The following PHF21B variants were observed in gnomAD, a reference collection of about 807,000 sequenced individuals.
The protein encoded by PHF21B is PHD finger protein 21B, also known as PHD finger protein 4.
A neutral mutation model predicts 62.2 loss-of-function variants in PHF21B; 22 were observed. The observed-to-expected ratio is 0.35, with a 90% CI of 0.25 to 0.51. PHF21B has a LOEUF of 0.51. Among genes scored for constraint, PHF21B ranks in the 20% least tolerant of loss-of-function variants. The probability of loss-of-function intolerance (pLI) is 0.97; values close to 1 mark genes in which losing one functional copy is unlikely to be tolerated. For missense variants in PHF21B, 701 were observed against 707.9 expected, an observed-to-expected ratio of 0.99 and a Z score of 0.11; for synonymous variants, 341 against 314.7, an observed-to-expected ratio of 1.08 and a Z score of -0.88.
intron 2 of PHF21B, among the ~76,000 whole-genome samples, chr22:44,979,692 C>T (rs981120141): frequency 2.0e-5 from 3 of 152,240 alleles, no homozygotes; most frequent in African/African-American, 7.2e-5. Flanking sequence ...TGTGCTCAGA[C>T]ACTTTAAGCT....
At chr22:44,939,639 G>A (rs1264176152) in intron 2 of PHF21B, among the ~76,000 whole-genome samples, 4 of 152,164 alleles carry the variant, frequency 2.6e-5, no homozygotes, top group Non-Finnish European at 4.4e-5. Flanking sequence ...CACCCAGCCC[G>A]TCCTGTCCCA....
intron 2 of PHF21B, among the ~76,000 whole-genome samples, chr22:45,007,560 G>GAGA (rs1170406574): frequency 1.5e-5 from 1 of 66,728 alleles, no homozygotes; most frequent in African/African-American, 6.1e-5. Context: ...GGGGCGGGGC[G>GAGA]CGAAGGAGGG....
intron 2 of PHF21B, among the ~76,000 whole-genome samples, chr22:44,977,454 A>G (rs1225105413): frequency 6.6e-6 from 1 of 152,104 alleles, no homozygotes; most frequent in Non-Finnish European, 1.5e-5. Context: ...AAGCCCAGCT[A>G]CTTGGGAGGC....
At chr22:45,007,695 GGGTGT>G (rs1298775701) in intron 2 of PHF21B, among the ~76,000 whole-genome samples, 2 of 108,878 alleles carry the variant, frequency 1.8e-5, no homozygotes, top group African/African-American at 5.7e-5. Flanking sequence ...GGGAAGGGGC[GGGTGT>G]GCGAGCGCGG....
chr22:44,897,743 C>T (rs1331671291), intron 5 of PHF21B, among the ~76,000 whole-genome samples: 2 of 152,186 alleles, frequency 1.3e-5, no homozygotes, highest in South Asian at 2.1e-4. Flanking sequence ...CCCAGTTCAT[C>T]GCAACTAAAG....
At chr22:44,977,468 G>A (rs775206124) in intron 2 of PHF21B, among the ~76,000 whole-genome samples, 1 of 152,098 alleles carries the variant, frequency 6.6e-6, no homozygotes, top group African/African-American at 2.4e-5. Flanking sequence ...GGGAGGCTGA[G>A]GCAGGAGAAT....
At chr22:44,930,167 G>A (rs2071712121) in intron 2 of PHF21B, among the ~76,000 whole-genome samples, 1 of 152,204 alleles carries the variant, frequency 6.6e-6, no homozygotes, top group Admixed American at 6.5e-5. Flanking sequence ...GCCAGCACTG[G>A]GGCGGGTGTG....
intron 1 of PHF21B, chr22:45,008,888 G>T: frequency 8.5e-7 from 1 of 1,174,148 alleles, no homozygotes; most frequent in Non-Finnish European, 1.1e-6. Flanking sequence ...TTGCAGGCCG[G>T]GGTGCGTGTG....
At chr22:44,892,827 T>C (rs1297720486) in intron 7 of PHF21B, among the ~76,000 whole-genome samples, 2 of 152,238 alleles carry the variant, frequency 1.3e-5, no homozygotes, top group Admixed American at 6.5e-5. Flanking sequence ...GTGTCATTTA[T>C]GATCTGGTTT....
chr22:44,968,946 C>T (rs1276184007), intron 2 of PHF21B: 3 of 152,204 alleles, frequency 2.0e-5, no homozygotes, highest in Non-Finnish European at 2.9e-5. Context: ...TGACTTGGCT[C>T]TGTGTCGCTT....
intron 12 of PHF21B, among the ~76,000 whole-genome samples, chr22:44,885,011 G>A (rs2070830453): frequency 6.6e-6 from 1 of 152,266 alleles, no homozygotes; most frequent in Non-Finnish European, 1.5e-5. Flanking sequence ...GCCCTGCCAA[G>A]GGGCCTGAGC....
At chr22:44,931,406 G>C (rs1222518559) in intron 2 of PHF21B, among the ~76,000 whole-genome samples, 1 of 152,180 alleles carries the variant, frequency 6.6e-6, no homozygotes, top group Non-Finnish European at 1.5e-5. Context: ...GCCGAGGCAG[G>C]CTGCCCAGGG....
intron 2 of PHF21B, among the ~76,000 whole-genome samples, chr22:44,933,158 G>A (rs1214566000): frequency 6.6e-6 from 1 of 150,998 alleles, no homozygotes; most frequent in African/African-American, 2.4e-5. Context: ...TGTCACCCAG[G>A]CTGGAGTGCA....
chr22:44,977,707 T>C (rs1016335529), intron 2 of PHF21B, among the ~76,000 whole-genome samples: 4 of 151,426 alleles, frequency 2.6e-5, no homozygotes, highest in African/African-American at 7.3e-5. Flanking sequence ...GCCTCTAGAG[T>C]AGCTGGGGCT....
intron 2 of PHF21B, among the ~76,000 whole-genome samples, chr22:44,972,536 G>A (rs2072659998): frequency 6.6e-6 from 1 of 152,178 alleles, no homozygotes; most frequent in Admixed American, 6.5e-5. Context: ...GGACGCGGCT[G>A]CTCAGTGGAA....
intron 2 of PHF21B, among the ~76,000 whole-genome samples, chr22:44,921,813 C>A (rs1032888254): frequency 6.6e-6 from 1 of 152,160 alleles, no homozygotes; most frequent in Non-Finnish European, 1.5e-5. Context: ...CGCCCGCCAC[C>A]ACGCCTGGGT....
intron 3 of PHF21B, among the ~76,000 whole-genome samples, chr22:44,917,177 C>T (rs1291728196): frequency 6.6e-6 from 1 of 152,166 alleles, no homozygotes; most frequent in Admixed American, 6.5e-5. Flanking sequence ...AGAGGGCAGC[C>T]GGGCAGCCAC....
intron 12 of PHF21B, 98 bp from the exon 13 acceptor site, chr22:44,883,402 G>C: frequency 8.6e-7 from 1 of 1,168,006 alleles, no homozygotes; most frequent in South Asian, 1.5e-5. Flanking sequence ...CCACTACAAA[G>C]GCCTACAAGA....
intron 2 of PHF21B, among the ~76,000 whole-genome samples, chr22:45,000,316 A>G (rs1044696949): frequency 2.6e-5 from 4 of 152,170 alleles, no homozygotes; most frequent in African/African-American, 4.8e-5. Context: ...TCCCCGAGAC[A>G]CTGCCCCATA....
Sources: gnomAD v4.1 joint callset for allele counts (sites outside exome capture counted in the v4.1 genomes callset) on GRCh38, gnomAD v4.1.1 for gene constraint, MANE v1.5 for transcripts, NCBI Gene and HGNC (gene_info 2026-07-23, HGNC 2026-07-21) for gene names.